The following KIAA1958 variants were observed in gnomAD, a reference collection of about 807,000 sequenced individuals.
KIAA1958 encodes KIAA1958, also known as uncharacterized protein KIAA1958.
KIAA1958 carries 14 observed loss-of-function variants against 47.2 expected under a neutral mutation model. That is an observed-to-expected ratio of 0.30 (90% confidence interval 0.20 to 0.46). KIAA1958 has a LOEUF of 0.46. Among genes scored for constraint, KIAA1958 ranks in the 20% least tolerant of loss-of-function variants. The pLI, the probability that KIAA1958 is intolerant of heterozygous loss-of-function variation, is 1.00. For missense variants in KIAA1958, 803 were observed against 909.2 expected (o/e 0.88, Z 1.50); for synonymous variants, 354 against 353.3 (o/e 1.00, Z -0.02).
chr9:112,563,967 G>T (rs570280091), intron 1 of KIAA1958, among the ~76,000 whole-genome samples: 1 of 151,994 alleles, frequency 6.6e-6, no homozygotes, highest in Non-Finnish European at 1.5e-5. Flanking sequence ...GCTTTTTTCT[G>T]CATCTATTGA....
At chr9:112,533,312 A>T (rs1834785291) in intron 1 of KIAA1958, among the ~76,000 whole-genome samples, 1 of 151,944 alleles carries the variant, frequency 6.6e-6, no homozygotes, top group African/African-American at 2.4e-5. Flanking sequence ...TCACTTCCAA[A>T]GTGCTGTAAT....
intron 1 of KIAA1958, among the ~76,000 whole-genome samples, chr9:112,539,307 A>T (rs1433633583): frequency 6.6e-6 from 1 of 152,264 alleles, no homozygotes; most frequent in African/African-American, 2.4e-5. Context: ...CTATCAGCTG[A>T]TGAAGGGATT....
At chr9:112,626,939 G>A (rs1339574873) in intron 2 of KIAA1958, among the ~76,000 whole-genome samples, 2 of 152,100 alleles carry the variant, frequency 1.3e-5, no homozygotes, top group Non-Finnish European at 2.9e-5. Flanking sequence ...TGTGTTTGTG[G>A]TGTTGATGTG....
At chr9:112,646,312 G>A (rs1478302395) in intron 3 of KIAA1958, among the ~76,000 whole-genome samples, 1 of 152,110 alleles carries the variant, frequency 6.6e-6, no homozygotes, top group African/African-American at 2.4e-5. Context: ...GAAATATCTT[G>A]TTTTGTTTTT....
intron 1 of KIAA1958, among the ~76,000 whole-genome samples, chr9:112,563,310 A>T (rs1170731874): frequency 2.0e-5 from 3 of 152,080 alleles, no homozygotes; most frequent in Non-Finnish European, 4.4e-5. Flanking sequence ...CTATAGATAA[A>T]TTTGGGAATA....
Position 112,525,991 on chromosome 9 carries a change from TTCTTCTTC to T in KIAA1958, c.-25+38875_-25+38882del, listed in dbSNP as rs1564159557. 2.7e-3 allele frequency among the ~76,000 whole-genome samples: 4 copies of T among 1,478 alleles called. 2 individuals carry two copies. The African/African-American group carries it at 0.036, about 13-fold the overall frequency. The allele number at this position is 1,478 out of a possible 152,430, so 1.0% of individuals were successfully genotyped here. On this transcript the variant is annotated intron_variant, in intron 1 of 3. Coordinates refer to ENST00000337530, the MANE Select transcript of KIAA1958 (RefSeq NM_133465.4). The stretch of plus-strand genomic sequence containing the variant: ...CTTCTTCTTCTTCTTCTTCTTCTTC[TTCTTCTTC>T]TTTTTTTTTTTAAAGAGATGGGGTC...
chr9:112,490,421 A>G (rs1011503776), intron 1 of KIAA1958, among the ~76,000 whole-genome samples: 1 of 152,064 alleles, frequency 6.6e-6, no homozygotes, highest in Admixed American at 6.5e-5. Context: ...TTTGCTTCTG[A>G]TTAGTTGATT....
chr9:112,533,385 G>GCT (rs1187459766), intron 1 of KIAA1958, among the ~76,000 whole-genome samples: 1 of 149,408 alleles, frequency 6.7e-6, no homozygotes, highest in African/African-American at 2.5e-5. Flanking sequence ...GACCACCCTG[G>GCT]CTAACACGGT....
rs201572624 is a variant in KIAA1958 at position 112,574,345 on chromosome 9, G to A, written c.265G>A (p.Gly89Arg). The A allele has an allele frequency of 3.8e-5, 62 of 1,613,974 alleles. No homozygotes were observed. The highest frequency in any genetic ancestry group is 3.3e-4 in the Middle Eastern group (2 of 6,082). Residue 89 changes from glycine to arginine, a missense_variant, in exon 2 of 4, where the codon GGG becomes AGG. Physicochemically the swap from Gly to Arg is moderately radical, Grantham distance 125. Around this residue, in one of 2 missense-constraint regions of KIAA1958, gnomAD observed 761 missense variants for 829.3 expected, o/e 0.92. Coordinates refer to ENST00000337530, the MANE Select transcript of KIAA1958 (RefSeq NM_133465.4). Reference protein sequence around the residue: ...SFNSDSPSIIGVPSETQTSPV... With the variant: ...SFNSDSPSIIRVPSETQTSPV... The stretch of plus-strand genomic sequence containing the variant: ...TAACTCTGATAGTCCCAGTATAATC[G>A]GGGTGCCCTCTGAGACACAGACTAG...
intron 2 of KIAA1958, among the ~76,000 whole-genome samples, chr9:112,634,933 A>G (rs146634627): frequency 6.7e-4 from 102 of 152,180 alleles, no homozygotes; most frequent in Middle Eastern, 6.8e-3. Context: ...TATCAGTCAC[A>G]TTTAAGTCAT....
chr9:112,605,487 A>G (rs565135928), intron 2 of KIAA1958, among the ~76,000 whole-genome samples: 107 of 152,212 alleles, frequency 7.0e-4, no homozygotes, highest in African/African-American at 2.5e-3. Flanking sequence ...TGCCCTTCCT[A>G]CTTACACAAA....
At chr9:112,654,638 A>G (rs1480009525) in intron 3 of KIAA1958, among the ~76,000 whole-genome samples, 4 of 151,748 alleles carry the variant, frequency 2.6e-5, no homozygotes, top group African/African-American at 7.3e-5. Context: ...CTCGACTACT[A>G]TAAAGAGAGC....
intron 2 of KIAA1958, among the ~76,000 whole-genome samples, chr9:112,589,957 C>T (rs1477870549): frequency 6.6e-6 from 1 of 152,166 alleles, no homozygotes; most frequent in Admixed American, 6.5e-5. Flanking sequence ...GATTCAGATC[C>T]ACTTGTTACT....
chr9:112,574,904 T>C lies in KIAA1958; in HGVS notation c.824T>C (p.Val275Ala), dbSNP rs1835615007. Reference protein sequence around the residue: ...DPHGMSASPSVISRPIVQKTA... With the variant: ...DPHGMSASPSAISRPIVQKTA... The stretch of plus-strand genomic sequence containing the variant: ...CACGGTATGTCTGCATCCCCCTCTG[T>C]GATCTCCAGACCAATTGTCCAGAAG... The change falls in exon 2 of 4, where the codon GTG (valine) becomes GCG (alanine). Residue 275 changes from valine (V) to alanine (A), a missense_variant. Transcript: ENST00000337530. 2 of 1,614,076 alleles carry C rather than the reference T, an allele frequency of 1.2e-6. No homozygotes were observed. Among genetic ancestry groups the C allele is most frequent in the Non-Finnish European group, 1.7e-6 (2 of 1,179,972 alleles).
chr9:112,493,109 G>A (rs1833998444), intron 1 of KIAA1958, among the ~76,000 whole-genome samples: 1 of 151,904 alleles, frequency 6.6e-6, no homozygotes, highest in African/African-American at 2.4e-5. Context: ...CAAATTCAGT[G>A]GAAGTGCTAA....
chr9:112,505,195 C>G (rs936331772), intron 1 of KIAA1958, among the ~76,000 whole-genome samples: 1 of 152,114 alleles, frequency 6.6e-6, no homozygotes, highest in Non-Finnish European at 1.5e-5. Context: ...CCAGTTTCAT[C>G]CATGTTACTG....
intron 1 of KIAA1958, among the ~76,000 whole-genome samples, chr9:112,538,349 C>A (rs1186528375): frequency 6.7e-6 from 1 of 150,200 alleles, no homozygotes; most frequent in African/African-American, 2.5e-5. Flanking sequence ...AAGACCCTGT[C>A]TCAAAAAAAA....
intron 2 of KIAA1958, among the ~76,000 whole-genome samples, chr9:112,630,264 A>C (rs887721359): frequency 6.6e-6 from 1 of 152,162 alleles, no homozygotes; most frequent in African/African-American, 2.4e-5. Flanking sequence ...CAATTAACTC[A>C]CTTGTTTTTG....
At position 112,600,401 on chromosome 9, in the gene KIAA1958, G is replaced by T. The variant is rs576448438; in HGVS notation, c.1171+25150G>T. Among the ~76,000 whole-genome samples, 141 of 152,250 alleles carry T rather than the reference G, an allele frequency of 9.3e-4. No individual in the cohort carries two copies. In the Middle Eastern group the frequency reaches 0.017, roughly 18 times the overall value. ...TGTTACGTCTCTTTTTGAGGGGAAG[G>T]AACCATTGAGGAAAAACTTCATTGT... On this transcript the variant is annotated intron_variant, in intron 2 of 3. Transcript: ENST00000337530.
Sources: gnomAD v4.1 joint callset for allele counts (sites outside exome capture counted in the v4.1 genomes callset) on GRCh38, gnomAD v4.1.1 for gene constraint, gnomAD v4.1.1 regional missense constraint, MANE v1.5 for transcripts, NCBI Gene and HGNC (gene_info 2026-07-23, HGNC 2026-07-21) for gene names.